Variants in FER observed in about 807,000 individuals in gnomAD.
FER encodes tyrosine-protein kinase Fer.
A neutral mutation model predicts 111.0 loss-of-function variants in FER; 63 were observed. That is an observed-to-expected ratio of 0.57 (90% confidence interval 0.46 to 0.70). The LOEUF is 0.70. FER is among the 30% of genes least tolerant of loss of function. The probability of loss-of-function intolerance (pLI) is 0.00; values close to 1 mark genes in which losing one functional copy is unlikely to be tolerated. For missense variants in FER, 914 were observed against 954.0 expected (o/e 0.96, Z 0.55); for synonymous variants, 327 against 313.9 (o/e 1.04, Z -0.44).
chr5:109,047,691 T>C (rs2149913425), intron 16 of FER, among the ~76,000 whole-genome samples: 1 of 152,274 alleles, frequency 6.6e-6, no homozygotes, highest in East Asian at 1.9e-4. Context: ...TGCCTTGGCC[T>C]CCCAAAGTGC....
intron 17 of FER, among the ~76,000 whole-genome samples, chr5:109,158,545 GTCAT>G (rs1399029174): frequency 6.6e-6 from 1 of 152,128 alleles, no homozygotes; most frequent in African/African-American, 2.4e-5. Context: ...CCTCCATTTT[GTCAT>G]TCAATCTACC....
chr5:108,915,332 G>C (rs536684660), intron 10 of FER, among the ~76,000 whole-genome samples: 1 of 152,032 alleles, frequency 6.6e-6, no homozygotes, highest in African/African-American at 2.4e-5. Flanking sequence ...AATTAGCCAG[G>C]CGTGGTGGTG....
intron 17 of FER, among the ~76,000 whole-genome samples, chr5:109,167,103 T>A (rs2126776948): frequency 6.6e-6 from 1 of 152,340 alleles, no homozygotes; most frequent in South Asian, 2.1e-4. Flanking sequence ...CTTATAGAAT[T>A]GAACTCTTTG....
intron 9 of FER, among the ~76,000 whole-genome samples, chr5:108,890,136 C>T (rs1318942404): frequency 6.6e-6 from 1 of 151,948 alleles, no homozygotes; most frequent in African/African-American, 2.4e-5. Flanking sequence ...CCCTAGAAAC[C>T]ATTAGTGTGT....
intron 13 of FER, among the ~76,000 whole-genome samples, chr5:108,968,757 A>G (rs1229029872): frequency 1.3e-5 from 2 of 152,222 alleles, no homozygotes; most frequent in African/African-American, 2.4e-5. Context: ...AAAATAATAA[A>G]TAATTAAAAT....
intron 16 of FER, among the ~76,000 whole-genome samples, 166 bp downstream of exon 16, chr5:109,047,364 G>A (rs1176290940): frequency 6.6e-6 from 1 of 152,116 alleles, no homozygotes; most frequent in African/African-American, 2.4e-5. Context: ...TTTATAGGCT[G>A]TAACACTTTA....
intron 5 of FER, among the ~76,000 whole-genome samples, chr5:108,866,808 G>A (rs547432081): frequency 1.3e-5 from 2 of 152,196 alleles, no homozygotes; most frequent in South Asian, 4.1e-4. Context: ...AAATATTTGT[G>A]TAATTTGCAT....
intron 13 of FER, among the ~76,000 whole-genome samples, chr5:108,975,667 T>C (rs1381897670): frequency 1.3e-5 from 2 of 152,110 alleles, no homozygotes; most frequent in Non-Finnish European, 2.9e-5. Flanking sequence ...TAGTGAGTTG[T>C]TGACAGGTAA....
At chr5:109,127,120 T>C (rs1238100499) in intron 17 of FER, among the ~76,000 whole-genome samples, 4 of 152,256 alleles carry the variant, frequency 2.6e-5, no homozygotes, top group Admixed American at 2.6e-4. Flanking sequence ...TAAATATGTA[T>C]TGGCATTTAT....
intron 11 of FER, among the ~76,000 whole-genome samples, chr5:108,947,666 C>T (rs952194768): frequency 2.6e-4 from 40 of 151,648 alleles, no homozygotes; most frequent in African/African-American, 8.5e-4. Flanking sequence ...TCCTTTAACA[C>T]ACCTAAGTTT....
At chr5:108,971,896 G>A (rs896846579) in intron 13 of FER, among the ~76,000 whole-genome samples, 9 of 152,114 alleles carry the variant, frequency 5.9e-5, no homozygotes, top group Admixed American at 6.5e-5. Context: ...AGTCAGGTTC[G>A]TAGAGAATGC....
chr5:109,051,477 A>G, intron 16 of FER: 1 of 1,613,090 alleles, frequency 6.2e-7, no homozygotes, highest in Non-Finnish European at 8.5e-7. Flanking sequence ...CGTGGGAGTT[A>G]GAGATGGTGC....
chr5:109,186,169 CAT>C, intron 18 of FER, 29 bp from the exon 19 acceptor site: 1 of 1,614,030 alleles, frequency 6.2e-7, no homozygotes. Context: ...TACTGTGCCT[CAT>C]GTGGTTATGG....
At chr5:109,021,822 G>T (rs1008601546) in intron 13 of FER, among the ~76,000 whole-genome samples, 5 of 151,950 alleles carry the variant, frequency 3.3e-5, no homozygotes, top group Admixed American at 6.6e-5. Context: ...AAAAGTTGTT[G>T]TTTTTTCATG....
chr5:109,035,122 T>C (rs1346829011), intron 13 of FER, among the ~76,000 whole-genome samples: 3 of 150,632 alleles, frequency 2.0e-5, no homozygotes, highest in African/African-American at 7.3e-5. Context: ...CAACCTCTGC[T>C]TCCCGGGTTC....
intron 3 of FER, among the ~76,000 whole-genome samples, chr5:108,811,064 T>C (rs1757705361): frequency 6.6e-6 from 1 of 151,752 alleles, no homozygotes; most frequent in South Asian, 2.1e-4. Context: ...GGCCGTGGAA[T>C]GGAGAGGGCC....
intron 13 of FER, among the ~76,000 whole-genome samples, chr5:109,013,257 G>A (rs532856495): frequency 5.4e-4 from 64 of 117,722 alleles, no homozygotes; most frequent in African/African-American, 1.9e-3. Context: ...AGTCCCCGAA[G>A]TGTGATGTAC....
intron 5 of FER, among the ~76,000 whole-genome samples, chr5:108,843,934 T>A (rs1761541025): frequency 2.0e-5 from 3 of 152,106 alleles, no homozygotes; most frequent in African/African-American, 7.2e-5. Flanking sequence ...ACTTTTTACC[T>A]GGATTCAAAA....
At chr5:108,960,542 T>C (rs1286702827) in intron 13 of FER, among the ~76,000 whole-genome samples, 6 of 152,004 alleles carry the variant, frequency 3.9e-5, no homozygotes, top group Non-Finnish European at 8.8e-5. Context: ...ATTTTTTCTA[T>C]AGCAAAATAT....
Sources: gnomAD v4.1 joint callset for allele counts (sites outside exome capture counted in the v4.1 genomes callset) on GRCh38, gnomAD v4.1.1 for gene constraint, MANE v1.5 for transcripts, NCBI Gene and HGNC (gene_info 2026-07-23, HGNC 2026-07-21) for gene names.